RGS6: variants seen among roughly 807,000 people sequenced by gnomAD.
The protein encoded by RGS6 is regulator of G-protein signaling 6.
Under a neutral mutation model 78.5 loss-of-function variants are expected in RGS6, and 30 were observed. The ratio of observed to expected loss-of-function variants is 0.38; its 90% CI spans 0.29 to 0.52. The LOEUF (loss-of-function observed/expected upper bound fraction) is 0.52. Ranked by LOEUF, RGS6 falls within the 20% of genes least tolerant of loss-of-function variation. RGS6 has a pLI of 0.85. For synonymous variants in RGS6, 206 were observed against 206.0 expected (o/e 1.00, Z 0.00); for missense variants, 495 against 609.7 (o/e 0.81, Z 1.98).
rs2153557395 is a variant in RGS6, at chr14:72,562,803, CT to C, written c.*338del. The C allele has an allele frequency of 6.9e-7, 1 of 1,453,042 alleles. No homozygotes were observed. Among genetic ancestry groups the C allele is most frequent in the East Asian group, 2.5e-5 (1 of 40,500 alleles). 90.0% of individuals were successfully genotyped at this position (1,453,042 alleles called of 1,614,324 possible). A position where few individuals can be genotyped will look rare whatever the true frequency, so the allele number is the denominator to read the frequency against. ...CGTGGGGTTCCTGTCACGACTATCA[CT>C]TGAGATTATATTATTATCCTCACTC... On this transcript the variant is annotated 3_prime_UTR_variant, in exon 18 of 18. Coordinates refer to ENST00000553525, the MANE Select transcript of RGS6 (RefSeq NM_001204424.2).
intron 1 of RGS6, 68 bp downstream of exon 1, chr14:71,933,009 C>T (rs2088086263): frequency 6.6e-6 from 1 of 152,268 alleles, no homozygotes; most frequent in Non-Finnish European, 1.5e-5. Flanking sequence ...AAAACAGTAT[C>T]CTCCCTCCCC....
chr14:72,318,453 A>C (rs1255115042), intron 2 of RGS6, among the ~76,000 whole-genome samples: 1 of 152,112 alleles, frequency 6.6e-6, no homozygotes, highest in Non-Finnish European at 1.5e-5. Context: ...TGCACCCTCC[A>C]ATCCAATCAA....
At chr14:72,199,141 T>C (rs1189095689) in intron 2 of RGS6, among the ~76,000 whole-genome samples, 2 of 152,220 alleles carry the variant, frequency 1.3e-5, no homozygotes, top group Non-Finnish European at 2.9e-5. Flanking sequence ...TTGTAAATGA[T>C]GTGTATACAC....
chr14:72,393,545 C>G (rs2090486483), intron 3 of RGS6, among the ~76,000 whole-genome samples: 1 of 152,164 alleles, frequency 6.6e-6, no homozygotes, highest in African/African-American at 2.4e-5. Context: ...GTAGTAAATA[C>G]AAACAGTAGA....
At chr14:72,608,900 CTCTCTCTCTT>C in the RGS6 span, among the ~76,000 whole-genome samples, 1 of 151,462 alleles carries the variant, frequency 6.6e-6, no homozygotes, top group East Asian at 1.9e-4. Flanking sequence ...CTCTCTCTCC[CTCTCTCTCTT>C]TCTCTCTCTC....
chr14:72,600,925 T>C, the RGS6 span, among the ~76,000 whole-genome samples: 1 of 150,568 alleles, frequency 6.6e-6, no homozygotes, highest in African/African-American at 2.5e-5. Context: ...CTGCTGCAGC[T>C]GCGGGAAAGA....
chr14:72,333,865 AG>A (rs1296328210), intron 2 of RGS6, among the ~76,000 whole-genome samples: 12 of 152,204 alleles, frequency 7.9e-5, no homozygotes, highest in Non-Finnish European at 1.8e-4. Context: ...GCAAGGTAAC[AG>A]GTACACACAT....
chr14:72,351,210 C>T (rs2079053146), intron 2 of RGS6, among the ~76,000 whole-genome samples: 1 of 152,068 alleles, frequency 6.6e-6, no homozygotes, highest in Non-Finnish European at 1.5e-5. Context: ...TATTTTCTCC[C>T]CTTCAGTTGC....
intron 2 of RGS6, among the ~76,000 whole-genome samples, chr14:72,179,191 T>C (rs1430722282): frequency 6.6e-6 from 1 of 152,200 alleles, no homozygotes; most frequent in East Asian, 1.9e-4. Flanking sequence ...CAAAGGTCTT[T>C]TTCTGTATTG....
intron 1 of RGS6, among the ~76,000 whole-genome samples, chr14:71,936,727 A>G (rs970409330): frequency 6.6e-6 from 1 of 152,156 alleles, no homozygotes; most frequent in East Asian, 1.9e-4. Context: ...CTTATGTCAC[A>G]TGATAAAGGA....
chr14:72,342,667 T>C (rs973882718), intron 2 of RGS6, among the ~76,000 whole-genome samples: 1 of 145,388 alleles, frequency 6.9e-6, no homozygotes, highest in Non-Finnish European at 1.5e-5. Context: ...GAGGTGAAAG[T>C]TGCAGTGAGC....
chr14:72,001,893 A>ATTTTTTT (rs1566994305), intron 2 of RGS6, among the ~76,000 whole-genome samples: 1 of 100,454 alleles, frequency 1.0e-5, no homozygotes, highest in African/African-American at 4.1e-5. Context: ...ACATCCATTA[A>ATTTTTTT]TCTTTTTTTT....
intron 3 of RGS6, among the ~76,000 whole-genome samples, chr14:72,411,416 T>G (rs912145653): frequency 1.3e-5 from 2 of 152,242 alleles, no homozygotes; most frequent in Non-Finnish European, 2.9e-5. Flanking sequence ...ACATTGAGTT[T>G]GTATCCTGAG....
chr14:71,929,745 C>A (rs1487578423), upstream of RGS6, among the ~76,000 whole-genome samples: 1 of 152,114 alleles, frequency 6.6e-6, no homozygotes, highest in Admixed American at 6.5e-5. Flanking sequence ...CTAATTCTAT[C>A]TTTTCTTCTT....
intron 2 of RGS6, among the ~76,000 whole-genome samples, chr14:72,072,837 G>A (rs1018319281): frequency 4.6e-5 from 7 of 152,206 alleles, no homozygotes; most frequent in African/African-American, 1.7e-4. Flanking sequence ...AGGTAGTCTT[G>A]TAATTATTAG....
intron 2 of RGS6, among the ~76,000 whole-genome samples, chr14:72,248,531 G>A (rs2054818486): frequency 6.6e-6 from 1 of 152,148 alleles, no homozygotes; most frequent in Admixed American, 6.5e-5. Context: ...AGGTCCTTGA[G>A]GCCCTCAATA....
the RGS6 span, among the ~76,000 whole-genome samples, chr14:71,875,924 T>A: frequency 3.9e-5 from 6 of 152,136 alleles, no homozygotes; most frequent in Non-Finnish European, 8.8e-5. Flanking sequence ...TTCAGGAGCA[T>A]GTTGTTCAGT....
chr14:71,937,734 T>C (rs1040391196), intron 1 of RGS6, among the ~76,000 whole-genome samples: 1 of 152,188 alleles, frequency 6.6e-6, no homozygotes, highest in Non-Finnish European at 1.5e-5. Flanking sequence ...CCACAGATGG[T>C]AGTCTTGGCA....
At chr14:72,287,783 C>T (rs558400667) in intron 2 of RGS6, among the ~76,000 whole-genome samples, 1 of 152,310 alleles carries the variant, frequency 6.6e-6, no homozygotes, top group African/African-American at 2.4e-5. Flanking sequence ...AGGTAAATTC[C>T]TTCTATACCT....
Sources: allele counts gnomAD v4.1 joint callset (sites outside exome capture counted in the v4.1 genomes callset), GRCh38; gene constraint gnomAD v4.1.1; transcripts MANE v1.5; gene names NCBI Gene and HGNC (gene_info 2026-07-23, HGNC 2026-07-21).